Variants in FER observed in about 807,000 individuals in gnomAD.
The protein encoded by FER is tyrosine-protein kinase Fer.
Under a neutral mutation model 111.0 loss-of-function variants are expected in FER, and 63 were observed. The ratio of observed to expected loss-of-function variants is 0.57; its 90% confidence interval spans 0.46 to 0.70. The LOEUF (loss-of-function observed/expected upper bound fraction) is 0.70. Ranked by LOEUF, FER falls within the 30% of genes least tolerant of loss-of-function variation. The probability of loss-of-function intolerance (pLI) is 0.00; values close to 1 mark genes in which losing one functional copy is unlikely to be tolerated. For missense variants in FER, 914 were observed against 954.0 expected (o/e 0.96, Z 0.55); for synonymous variants, 327 against 313.9 (o/e 1.04, Z -0.44).
intron 3 of FER, among the ~76,000 whole-genome samples, chr5:108,815,874 G>A (rs985437773): frequency 6.6e-6 from 1 of 152,088 alleles, no homozygotes; most frequent in African/African-American, 2.4e-5. Context: ...TTTTAAAGCA[G>A]TAATTTTTAA....
intron 14 of FER, among the ~76,000 whole-genome samples, chr5:109,041,598 G>A (rs1298532946): frequency 6.6e-6 from 1 of 152,176 alleles, no homozygotes; most frequent in Admixed American, 6.6e-5. Context: ...GGAGTGCAAG[G>A]TAATTGGAGG....
intron 16 of FER, among the ~76,000 whole-genome samples, chr5:109,072,586 C>T (rs17450131): frequency 0.11 from 16,503 of 151,616 alleles, 917 homozygotes; most frequent in Non-Finnish European, 0.13. Context: ...CCCTTTAATC[C>T]GTTTTTTAGT....
chr5:108,787,540 T>C (rs1375676907), intron 2 of FER, among the ~76,000 whole-genome samples: 2 of 152,330 alleles, frequency 1.3e-5, no homozygotes, highest in South Asian at 4.1e-4. Flanking sequence ...GAGAACTTCA[T>C]TGATGACTGT....
intron 1 of FER, among the ~76,000 whole-genome samples, chr5:108,754,155 A>G (rs751886190): frequency 6.6e-6 from 1 of 152,124 alleles, no homozygotes; most frequent in Non-Finnish European, 1.5e-5. Context: ...TCATGCCTGT[A>G]ATCACAGTAT....
At chr5:108,957,810 C>A (rs534713303) in intron 12 of FER, among the ~76,000 whole-genome samples, 1 of 151,544 alleles carries the variant, frequency 6.6e-6, no homozygotes, top group Non-Finnish European at 1.5e-5. Context: ...TTATTCAACT[C>A]TTTTACTCTG....
intron 5 of FER, among the ~76,000 whole-genome samples, chr5:108,841,492 C>G (rs1761261774): frequency 6.6e-6 from 1 of 152,064 alleles, no homozygotes; most frequent in Admixed American, 6.5e-5. Context: ...TGAGATTTAT[C>G]TCTTAGGAGA....
At chr5:109,086,479 A>G (rs963709867) in intron 16 of FER, among the ~76,000 whole-genome samples, 3 of 151,598 alleles carry the variant, frequency 2.0e-5, no homozygotes, top group African/African-American at 7.3e-5. Context: ...TATTTAATCT[A>G]TTAAACAACT....
chr5:108,934,707 G>T (rs746509246), intron 10 of FER, among the ~76,000 whole-genome samples: 1 of 152,132 alleles, frequency 6.6e-6, no homozygotes, highest in African/African-American at 2.4e-5. Context: ...GCCAGAGGGA[G>T]ATTATCCAGT....
intron 17 of FER, among the ~76,000 whole-genome samples, chr5:109,109,985 A>G (rs1749408374): frequency 6.6e-6 from 1 of 152,110 alleles, no homozygotes. Context: ...CGGTGTTAAC[A>G]AGGTTGAATC....
chr5:109,034,730 C>A (rs1404419213), intron 13 of FER, among the ~76,000 whole-genome samples: 1 of 151,892 alleles, frequency 6.6e-6, no homozygotes, highest in Non-Finnish European at 1.5e-5. Flanking sequence ...CAGTGGTTTG[C>A]ACTACAAGGA....
chr5:108,914,231 C>CTGTGTGTGTGTGTG (rs35365353), intron 10 of FER, among the ~76,000 whole-genome samples: 1 of 141,140 alleles, frequency 7.1e-6, no homozygotes, highest in African/African-American at 2.6e-5. Flanking sequence ...ACTTGTCTCT[C>CTGTGTGTGTGTGTG]TGTGTGTGTG....
chr5:109,072,239 C>A (rs923228437), intron 16 of FER, among the ~76,000 whole-genome samples: 2 of 150,910 alleles, frequency 1.3e-5, no homozygotes, highest in African/African-American at 4.9e-5. Flanking sequence ...AGAAAAAAAA[C>A]CTCTTTCTAT....
intron 17 of FER, among the ~76,000 whole-genome samples, chr5:109,164,742 G>A (rs1756357761): frequency 6.6e-6 from 1 of 151,832 alleles, no homozygotes. Context: ...CTTCTGTTTG[G>A]TAGCATATAC....
chr5:108,887,822 A>C (rs1194429831), intron 9 of FER, among the ~76,000 whole-genome samples: 1 of 151,820 alleles, frequency 6.6e-6, no homozygotes, highest in Non-Finnish European at 1.5e-5. Flanking sequence ...ATTAGAAAAA[A>C]GTTATGGGAA....
At chr5:108,862,570 A>T (rs1051484423) in intron 5 of FER, among the ~76,000 whole-genome samples, 1 of 152,200 alleles carries the variant, frequency 6.6e-6, no homozygotes, top group East Asian at 1.9e-4. Flanking sequence ...TTTTTAAATA[A>T]GAGGCAAAAT....
chr5:109,153,237 C>G (rs1755041292), intron 17 of FER, among the ~76,000 whole-genome samples: 1 of 151,384 alleles, frequency 6.6e-6, no homozygotes, highest in South Asian at 2.1e-4. Context: ...TTTGGACACT[C>G]ATTTGAGTTT....
intron 1 of FER, among the ~76,000 whole-genome samples, chr5:108,750,796 G>T (rs1486733477): frequency 6.6e-6 from 1 of 152,126 alleles, no homozygotes; most frequent in South Asian, 2.1e-4. Context: ...CAGAAGAGTC[G>T]AGTTGAACCC....
chr5:109,186,379 C>T, intron 19 of FER, 57 bp downstream of exon 19: 2 of 1,612,674 alleles, frequency 1.2e-6, no homozygotes, highest in South Asian at 2.2e-5. Context: ...GTAGGCAGTG[C>T]TTATAGTGTG....
chr5:108,921,895 A>G (rs928622668), intron 10 of FER, among the ~76,000 whole-genome samples: 1 of 152,196 alleles, frequency 6.6e-6, no homozygotes, highest in African/African-American at 2.4e-5. Context: ...CCCCCAAAAG[A>G]TATCTTTAAG....
Sources: gnomAD v4.1 joint callset for allele counts (sites outside exome capture counted in the v4.1 genomes callset) on GRCh38, gnomAD v4.1.1 for gene constraint, MANE v1.5 for transcripts, NCBI Gene and HGNC (gene_info 2026-07-23, HGNC 2026-07-21) for gene names.